The following C17orf99 variants were observed in gnomAD, a reference collection of about 807,000 sequenced individuals.
The protein encoded by C17orf99 is protein IL-40.
In C17orf99, 18 loss-of-function variants were observed where a neutral mutation model predicts 22.6. The observed-to-expected ratio is 0.80, with a 90% CI of 0.55 to 1.18. The LOEUF (loss-of-function observed/expected upper bound fraction) is 1.18, where lower values mean the gene tolerates loss of function less well. Ranked by LOEUF, C17orf99 falls within the 50% of genes most tolerant of loss-of-function variation. C17orf99 has a pLI of 0.00. For missense variants in C17orf99, 328 were observed against 342.7 expected (o/e 0.96, Z 0.34); for synonymous variants, 147 against 136.6 (o/e 1.08, Z -0.53).
chr17:78,153,097 T>TAA (rs199660577), intron 2 of C17orf99, among the ~76,000 whole-genome samples: 13 of 148,004 alleles, frequency 8.8e-5, no homozygotes, highest in African/African-American at 3.2e-4. Flanking sequence ...AAAAATAAAT[T>TAA]AAAAAAAAAA....
intron 2 of C17orf99, among the ~76,000 whole-genome samples, chr17:78,150,326 G>T (rs2075471756): frequency 6.6e-6 from 1 of 151,954 alleles, no homozygotes. Flanking sequence ...AAATTTTTTT[G>T]TAGCAATTGG....
intron 2 of C17orf99, chr17:78,158,596 C>G (rs1424271759): frequency 6.3e-6 from 1 of 158,980 alleles, no homozygotes; most frequent in Non-Finnish European, 1.4e-5. Flanking sequence ...CGCCCGGCCT[C>G]CTCCTACACA....
chr17:78,157,589 G>A (rs2075537279), intron 2 of C17orf99: 6 of 591,040 alleles, frequency 1.0e-5, no homozygotes, highest in South Asian at 8.7e-5. Flanking sequence ...ACAAGGTCAG[G>A]AGATCGAAAC....
rs771602535 is a variant in C17orf99 at position 78,166,036 on chromosome 17, C to T, written c.788C>T (p.Ala263Val). 1.5e-6 allele frequency: 2 copies of T among 1,364,774 alleles called. No individual in the cohort carries two copies. Among genetic ancestry groups the T allele is most frequent in the East Asian group, 2.7e-5 (1 of 37,654 alleles). The allele number at this position is 1,364,774 out of a possible 1,614,324, so 84.5% of individuals were successfully genotyped here. A position where few individuals can be genotyped will look rare whatever the true frequency, so the allele number is the denominator to read the frequency against. The stretch of plus-strand genomic sequence containing the variant: ...GGGGAGGTCAGAGGACGCAAAGCAG[C>T]AGCCATGTAGAATGAACCGTCCAGA... ...GNGEVRGRKAAAM is the reference protein window; with the variant it reads ...GNGEVRGRKAVAM The change falls in exon 5 of 5, where the codon GCA (alanine) becomes GTA (valine). Residue 263 changes from alanine to valine, a missense_variant. Physicochemically the swap from Ala to Val is moderately conservative, Grantham distance 64. Coordinates refer to ENST00000340363, the MANE Select transcript of C17orf99 (RefSeq NM_001163075.2).
Position 78,158,420 on chromosome 17 carries a change from G to A in C17orf99, c.71-2535G>A, listed in dbSNP as rs780875089. On this transcript the variant is annotated intron_variant, in intron 2 of 4. Coordinates refer to ENST00000340363, the MANE Select transcript of C17orf99 (RefSeq NM_001163075.2). ...TGCCATTCTCCTGCCTCAGCCTCCCGAGTAGCTGGGACTACGGGCACCCAC... is the reference window on the plus strand; with the variant it reads ...TGCCATTCTCCTGCCTCAGCCTCCCAAGTAGCTGGGACTACGGGCACCCAC... The A allele has an allele frequency of 8.2e-5, 18 of 220,684 alleles. No homozygotes were observed. The South Asian group carries it at 9.8e-4, about 12-fold the overall frequency. 13.7% of individuals were successfully genotyped at this position (220,684 alleles called of 1,614,324 possible). A position where few individuals can be genotyped will look rare whatever the true frequency, so the allele number is the denominator to read the frequency against.
intron 2 of C17orf99, among the ~76,000 whole-genome samples, chr17:78,156,758 G>A (rs540065033): frequency 5.9e-4 from 89 of 152,120 alleles, no homozygotes; most frequent in Non-Finnish European, 1.0e-3. Context: ...GGGACCGCAG[G>A]CGAGCACCAC....
intron 2 of C17orf99, among the ~76,000 whole-genome samples, chr17:78,155,296 C>T (rs1192586669): frequency 6.6e-6 from 1 of 151,990 alleles, no homozygotes; most frequent in Non-Finnish European, 1.5e-5. Flanking sequence ...TGGTCACACA[C>T]TCTAGTCTAT....
chr17:78,161,356 G>A, intron 3 of C17orf99, 102 bp downstream of exon 3: 2 of 1,065,924 alleles, frequency 1.9e-6, no homozygotes, highest in South Asian at 1.5e-5. Flanking sequence ...GTTAGAGAGA[G>A]CCAGGGTGTG....
rs2075439534 is a variant in C17orf99 at position 78,146,669 on chromosome 17, C to T, written c.38-210C>T. ...CACCATTCTGGGCTCACTACTTACC[C>T]ATCTGCGAAATGGGCGGATGAGAGG... On this transcript the variant is annotated intron_variant, in intron 1 of 4. Coordinates refer to ENST00000340363, the MANE Select transcript of C17orf99 (RefSeq NM_001163075.2). This position sits in a 1 kb window ranked among gnomAD's most constrained non-coding sequence, Gnocchi z 5.2. 6.6e-6 allele frequency among the ~76,000 whole-genome samples: 1 copy of T among 152,092 alleles called. No individual in the cohort carries two copies.
intron 2 of C17orf99, among the ~76,000 whole-genome samples, chr17:78,155,129 T>TGTTG (rs796592228): frequency 4.1e-4 from 41 of 100,258 alleles, no homozygotes; most frequent in Non-Finnish European, 5.4e-4. Flanking sequence ...CCCCTATTTT[T>TGTTG]TTTTTTTTTT....
At chr17:78,164,656 G>A in intron 4 of C17orf99, 1 of 1,458,980 alleles carries the variant, frequency 6.9e-7, no homozygotes, top group Non-Finnish European at 9.1e-7. Context: ...TGGACCACGT[G>A]GGCCAGGTAG....
At chr17:78,152,720 G>C (rs1302479315) in intron 2 of C17orf99, among the ~76,000 whole-genome samples, 1 of 150,612 alleles carries the variant, frequency 6.6e-6, no homozygotes, top group East Asian at 2.0e-4. Context: ...GGATCCCCCT[G>C]CCTAGGCCTC....
chr17:78,153,827 G>C (rs2145779410), intron 2 of C17orf99, among the ~76,000 whole-genome samples: 1 of 151,882 alleles, frequency 6.6e-6, no homozygotes, highest in South Asian at 2.1e-4. Context: ...TGCCCCAGAG[G>C]GTGCCTTCAC....
At chr17:78,154,108 T>C (rs1391216404) in intron 2 of C17orf99, among the ~76,000 whole-genome samples, 1 of 151,656 alleles carries the variant, frequency 6.6e-6, no homozygotes, top group Non-Finnish European at 1.5e-5. Flanking sequence ...GTATTTTTAA[T>C]AGAGACAGGG....
chr17:78,158,683 C>T (rs2075548795), intron 2 of C17orf99: 1 of 166,688 alleles, frequency 6.0e-6, no homozygotes, highest in Non-Finnish European at 1.5e-5. Flanking sequence ...ACCTAGCTCC[C>T]TTGGCCAGGA....
intron 4 of C17orf99, 181 bp from the exon 5 acceptor site, chr17:78,165,708 A>G: frequency 9.9e-7 from 1 of 1,011,686 alleles, no homozygotes; most frequent in Non-Finnish European, 1.3e-6. Context: ...AGACTGAGGC[A>G]GGAGAATCAC....
intron 2 of C17orf99, among the ~76,000 whole-genome samples, chr17:78,154,509 C>T (rs975772482): frequency 6.6e-6 from 1 of 151,814 alleles, no homozygotes; most frequent in Non-Finnish European, 1.5e-5. Context: ...GATTACACCA[C>T]TGCCCTGAGG....
At chr17:78,153,174 A>T (rs1036179310) in intron 2 of C17orf99, among the ~76,000 whole-genome samples, 1 of 152,066 alleles carries the variant, frequency 6.6e-6, no homozygotes, top group African/African-American at 2.4e-5. Context: ...AAACCACACA[A>T]GTCTTGAGAG....
intron 3 of C17orf99, among the ~76,000 whole-genome samples, chr17:78,162,619 G>A (rs1489289036): frequency 6.6e-6 from 1 of 151,940 alleles, no homozygotes; most frequent in Non-Finnish European, 1.5e-5. Context: ...TCATTGGACC[G>A]CTGAGCTTCA....
Sources: gnomAD v4.1 joint callset for allele counts (sites outside exome capture counted in the v4.1 genomes callset) on GRCh38, gnomAD v4.1.1 for gene constraint, Gnocchi (gnomAD v3.1) non-coding constraint, MANE v1.5 for transcripts, NCBI Gene and HGNC (gene_info 2026-07-23, HGNC 2026-07-21) for gene names.